SPTAN1: variants seen among roughly 807,000 people sequenced by gnomAD.
SPTAN1 encodes spectrin alpha chain, non-erythrocytic 1.
SPTAN1 carries 61 observed loss-of-function variants against 331.3 expected under a neutral mutation model. The observed-to-expected ratio is 0.18, with a 90% CI of 0.15 to 0.23. The LOEUF is 0.23. Among genes scored for constraint, SPTAN1 ranks in the 10% least tolerant of loss-of-function variants. The probability of loss-of-function intolerance (pLI) is 1.00; values close to 1 mark genes in which losing one functional copy is unlikely to be tolerated. For synonymous variants in SPTAN1, 1,153 were observed against 1,173.9 expected (o/e 0.98, Z 0.36); for missense variants, 2,043 against 3,147.9 (o/e 0.65, Z 8.40).
chr9:128,593,964 G>T (rs2131356471), intron 23 of SPTAN1: 1 of 603,430 alleles, frequency 1.7e-6, no homozygotes, highest in Non-Finnish European at 3.0e-6. Flanking sequence ...ACCTGGTTGT[G>T]AACAGTACAG....
Position 128,584,501 on chromosome 9 carries a change from C to A in SPTAN1, c.2413C>A (p.Pro805Thr). 1.2e-6 allele frequency: 2 copies of A among 1,614,146 alleles called. No individual in the cohort carries two copies. Among genetic ancestry groups the A allele is most frequent in the Non-Finnish European group, 1.7e-6 (2 of 1,180,040 alleles). The change falls in exon 17 of 57, where the codon CCC (proline) becomes ACC (threonine). Residue 805 changes from proline (P) to threonine (T), a missense_variant. Transcript: ENST00000372739. Reference sequence around the variant, plus strand: ...GGAGACGTGGATTCGAGAGAAAGAGCCCATTGCCGCATCTACCAACAGAGG... The same window carrying A: ...GGAGACGTGGATTCGAGAGAAAGAGACCATTGCCGCATCTACCAACAGAGG... ...DEETWIREKE[P>T]IAASTNRGKD...
chr9:128,568,221 C>T (rs942025938), intron 2 of SPTAN1, among the ~76,000 whole-genome samples: 2 of 152,140 alleles, frequency 1.3e-5, no homozygotes, highest in African/African-American at 4.8e-5. Context: ...GAATGAAGAA[C>T]ACTGCTTTAG....
rs372649788 is a variant in SPTAN1 at position 128,595,419 on chromosome 9, A to G, written c.3414+1046A>G. On this transcript the variant is annotated intron_variant, in intron 24 of 56. Coordinates refer to ENST00000372739, the MANE Select transcript of SPTAN1 (RefSeq NM_001130438.3). ...GCTACCATGCCTGGCCTGTGTAGCTATTTTTAAAAGACTTTAATTGAAACC... is the reference window on the plus strand; with the variant it reads ...GCTACCATGCCTGGCCTGTGTAGCTGTTTTTAAAAGACTTTAATTGAAACC... 2.6e-5 allele frequency among the ~76,000 whole-genome samples: 4 copies of G among 152,132 alleles called. No homozygotes were observed. The South Asian group carries it at 6.2e-4, about 24-fold the overall frequency.
In SPTAN1 at chr9:128,615,531, A is replaced by G. The variant is rs1857060377; in HGVS notation, c.5149-101A>G. 4.1e-6 allele frequency: 5 copies of G among 1,221,750 alleles called. No homozygotes were observed. In the Admixed American group the frequency reaches 7.2e-5, roughly 18 times the overall value. The allele number at this position is 1,221,750 out of a possible 1,614,324, so 75.7% of individuals were successfully genotyped here. On this transcript the variant is annotated intron_variant, in intron 40 of 56. Transcript: ENST00000372739. ...GGTCCACATAACAGACTTTGAGAAT[A>G]TCAACACTCCACATCTCAGTAAGGA...
intron 1 of SPTAN1, chr9:128,555,224 GA>G (rs1273779018): frequency 4.6e-6 from 3 of 653,070 alleles, no homozygotes; most frequent in African/African-American, 3.8e-5. Context: ...AGAAGACACT[GA>G]AAAAATATCT....
In SPTAN1 at chr9:128,627,139, C is replaced by T. The variant is rs1858880543; in HGVS notation, c.6577-247C>T. ...GAAGTTTCCATTTCTGACAGTCCAG[C>T]AACTCCCTGCTTGACTGACCAGTCG... On this transcript the variant is annotated intron_variant, in intron 49 of 56. Coordinates refer to ENST00000372739, the MANE Select transcript of SPTAN1 (RefSeq NM_001130438.3). This position sits in a 1 kb window ranked among gnomAD's most constrained non-coding sequence, Gnocchi z 4.9. The T allele has an allele frequency of 1.6e-6, 1 of 615,972 alleles. No homozygotes were observed. Among genetic ancestry groups the T allele is most frequent in the Non-Finnish European group, 3.0e-6 (1 of 331,304 alleles). The allele number at this position is 615,972 out of a possible 1,614,324, so 38.2% of individuals were successfully genotyped here.
intron 19 of SPTAN1, 65 bp from the exon 20 acceptor site, chr9:128,587,541 C>A: frequency 1.5e-6 from 2 of 1,346,786 alleles, no homozygotes; most frequent in Non-Finnish European, 2.1e-6. Flanking sequence ...GGCAGGTTGG[C>A]GAGGCAGTGG....
At chr9:128,608,299 T>C in intron 34 of SPTAN1, 23 bp downstream of exon 34, 1 of 1,613,748 alleles carries the variant, frequency 6.2e-7, no homozygotes, top group Non-Finnish European at 8.5e-7. Context: ...GACCATGGAG[T>C]TGGAGTCTGG....
At chr9:128,618,345 C>T (rs1318008069) in intron 43 of SPTAN1, among the ~76,000 whole-genome samples, 2 of 152,028 alleles carry the variant, frequency 1.3e-5, no homozygotes, top group Non-Finnish European at 2.9e-5. Flanking sequence ...TGTATGAGTC[C>T]AGAATCACAC....
chr9:128,562,599 T>C (rs1340068299), intron 1 of SPTAN1, among the ~76,000 whole-genome samples: 5 of 152,206 alleles, frequency 3.3e-5, no homozygotes, highest in East Asian at 3.9e-4. Context: ...TTGTAGTAAA[T>C]GTGATTATAG....
chr9:128,586,672 C>T (rs976666301), intron 19 of SPTAN1, among the ~76,000 whole-genome samples: 3 of 152,118 alleles, frequency 2.0e-5, no homozygotes, highest in Admixed American at 1.3e-4. Context: ...AACATGCACA[C>T]ATACATACAT....
Position 128,633,618 on chromosome 9 carries a change from A to G in SPTAN1, c.*284A>G, listed in dbSNP as rs886063513. ...TGTTCTCTCTCCCACCCTCCCCCAAATCTGTTTTCATGTAAAAGACAAATA... is the reference window on the plus strand; with the variant it reads ...TGTTCTCTCTCCCACCCTCCCCCAAGTCTGTTTTCATGTAAAAGACAAATA... On this transcript the variant is annotated 3_prime_UTR_variant, in exon 57 of 57. Coordinates refer to ENST00000372739, the MANE Select transcript of SPTAN1 (RefSeq NM_001130438.3). 1.6e-6 allele frequency: 2 copies of G among 1,250,132 alleles called. No homozygotes were observed. Among genetic ancestry groups the G allele is most frequent in the Non-Finnish European group, 2.2e-6 (2 of 897,190 alleles). 77.4% of individuals were successfully genotyped at this position (1,250,132 alleles called of 1,614,324 possible). A position where few individuals can be genotyped will look rare whatever the true frequency, so the allele number is the denominator to read the frequency against.
At chr9:128,604,288 A>G (rs1303239550) in intron 28 of SPTAN1, 38 bp from the exon 29 acceptor site, 1 of 1,598,566 alleles carries the variant, frequency 6.3e-7, no homozygotes. Flanking sequence ...ATGACAGGAG[A>G]GGGAGTGCAG....
intron 37 of SPTAN1, 59 bp from the exon 38 acceptor site, chr9:128,611,655 C>G (rs867211647): frequency 5.0e-6 from 8 of 1,604,908 alleles, no homozygotes; most frequent in Non-Finnish European, 5.1e-6. Flanking sequence ...ACCCCTTCCC[C>G]CTGAAAAGAC....
rs112177902 is a variant in SPTAN1 at position 128,564,420 on chromosome 9, GA to G, written c.-3-2304del. ...GGTGACAGAGCAAGAGTCCTTCTCA[GA>G]AAAAAAAAAAAAATTAGCCAGTCAT... On this transcript the variant is annotated intron_variant, in intron 1 of 56. Transcript: ENST00000372739. Among the ~76,000 whole-genome samples, 607 of 134,282 alleles carry G rather than the reference GA, an allele frequency of 4.5e-3. 9 individuals carry two copies. Among genetic ancestry groups the G allele is most frequent in the East Asian group, 0.043 (201 of 4,672 alleles). The allele number at this position is 134,282 out of a possible 152,430, so 88.1% of individuals were successfully genotyped here.
In SPTAN1 at chr9:128,615,799, C is replaced by T; in HGVS notation, c.5316C>T (p.His1772=). Residue 1772 remains histidine (H), a synonymous_variant, in exon 41 of 57, where the codon CAC becomes CAT. Transcript: ENST00000372739. ...AGCTGAATGAATCCCATCGCCTGCA[C>T]CAGTTCTTCCGGGACATGGATGACG... ...RAKLNESHRL[H]QFFRDMDDEE... The T allele has an allele frequency of 6.2e-7, 1 of 1,614,244 alleles. No homozygotes were observed. The highest frequency in any genetic ancestry group is 8.5e-7 in the Non-Finnish European group (1 of 1,180,048).
At chr9:128,589,000 C>A in intron 21 of SPTAN1, 57 bp downstream of exon 21, 1 of 1,602,956 alleles carries the variant, frequency 6.2e-7, no homozygotes, top group South Asian at 1.1e-5. Context: ...CACGTATGCT[C>A]AGTTGGGTTT....
chr9:128,613,526 A>G lies in SPTAN1; in HGVS notation c.5148+41A>G, dbSNP rs145566452. On this transcript the variant is annotated intron_variant, in intron 40 of 56. Transcript: ENST00000372739. Reference sequence around the variant, plus strand: ...CGGGCCAGGCCCGAGTGCCTGGGACACAGCTCTGCCTGACTCCTAAGGAAA... The same window carrying G: ...CGGGCCAGGCCCGAGTGCCTGGGACGCAGCTCTGCCTGACTCCTAAGGAAA... The G allele has an allele frequency of 3.2e-3, 4,923 of 1,518,438 alleles. 142 individuals carry two copies. In the East Asian group the frequency reaches 0.052, roughly 16 times the overall value. The allele number at this position is 1,518,438 out of a possible 1,614,324, so 94.1% of individuals were successfully genotyped here.
At chr9:128,592,141 A>G (rs1853621778) in intron 22 of SPTAN1, among the ~76,000 whole-genome samples, 1 of 152,198 alleles carries the variant, frequency 6.6e-6, no homozygotes, top group African/African-American at 2.4e-5. Flanking sequence ...ATATCCAGGA[A>G]ATACATTCCC....
Sources: gnomAD v4.1 joint callset for allele counts (sites outside exome capture counted in the v4.1 genomes callset) on GRCh38, gnomAD v4.1.1 for gene constraint, Gnocchi (gnomAD v3.1) non-coding constraint, MANE v1.5 for transcripts, NCBI Gene and HGNC (gene_info 2026-07-23, HGNC 2026-07-21) for gene names.